DPYD: variants seen among roughly 807,000 people sequenced by gnomAD.
DPYD encodes dihydropyrimidine dehydrogenase.
In DPYD, 109 loss-of-function variants were observed where a neutral mutation model predicts 116.2. The ratio of observed to expected loss-of-function variants is 0.94; its 90% confidence interval spans 0.80 to 1.10. The LOEUF (loss-of-function observed/expected upper bound fraction) is 1.10. DPYD is among the 50% of genes least tolerant of loss of function. The probability of loss-of-function intolerance (pLI) is 0.00; values close to 1 mark genes in which losing one functional copy is unlikely to be tolerated. For synonymous variants in DPYD, 440 were observed against 432.0 expected, an observed-to-expected ratio of 1.02 and a Z score of -0.23; for missense variants, 1,302 against 1,254.5, an observed-to-expected ratio of 1.04 and a Z score of -0.57.
intron 9 of DPYD, 147 bp downstream of exon 9, chr1:97,594,912 C>T (rs1386736274): frequency 1.6e-6 from 1 of 618,602 alleles, no homozygotes; most frequent in Admixed American, 2.9e-5. Context: ...TTATACCCGG[C>T]CTTTTTTTTT....
chr1:97,081,562 A>C (rs925222425), intron 22 of DPYD, among the ~76,000 whole-genome samples: 1 of 152,060 alleles, frequency 6.6e-6, no homozygotes, highest in Non-Finnish European at 1.5e-5. Context: ...CAAACTCTTT[A>C]AAAAATAGCA....
chr1:97,422,061 T>C (rs1674614934), intron 14 of DPYD, among the ~76,000 whole-genome samples: 1 of 152,228 alleles, frequency 6.6e-6, no homozygotes, highest in South Asian at 2.1e-4. Context: ...GCAAGAGATA[T>C]GGAATTGTTC....
chr1:97,430,848 T>C lies in DPYD; in HGVS notation c.1905+19211A>G, dbSNP rs149472014. On this transcript the variant is annotated intron_variant, in intron 14 of 22. Coordinates refer to ENST00000370192, the MANE Select transcript of DPYD (RefSeq NM_000110.4). ...CAATTTTACATCTATATACTTTTTA[T>C]ATCTATCTATATCAATTTGTAAACA... is the stretch of plus-strand genomic sequence containing the variant. Among the ~76,000 whole-genome samples the C allele has an allele frequency of 6.6e-5, 10 of 152,228 alleles. No homozygotes were observed. In the East Asian group the frequency reaches 1.9e-3, roughly 29 times the overall value.
chr1:97,859,280 G>C (rs1353036197), intron 2 of DPYD, among the ~76,000 whole-genome samples: 1 of 152,112 alleles, frequency 6.6e-6, no homozygotes, highest in African/African-American at 2.4e-5. Flanking sequence ...ATAAAGAGCA[G>C]CGTATGGCAG....
rs150859861 is a variant in DPYD at position 97,367,801 on chromosome 1, C to G, written c.2058+5760G>C. ...ACTCAAACCACTGAACAATTGGAATCCATCGAGGGCTAGGGAAATAACATC... is the reference window on the plus strand; with the variant it reads ...ACTCAAACCACTGAACAATTGGAATGCATCGAGGGCTAGGGAAATAACATC... On this transcript the variant is annotated intron_variant, in intron 16 of 22. Transcript: ENST00000370192. 2.0e-5 allele frequency among the ~76,000 whole-genome samples: 3 copies of G among 152,212 alleles called. No individual in the cohort carries two copies. The East Asian group carries it at 5.8e-4, about 29-fold the overall frequency.
chr1:97,508,853 A>G (rs530840062), intron 13 of DPYD, among the ~76,000 whole-genome samples: 1 of 152,066 alleles, frequency 6.6e-6, no homozygotes, highest in South Asian at 2.1e-4. Context: ...ATGGAACACA[A>G]TGAAAATTAT....
rs187348014 is a variant in DPYD at position 97,287,661 on chromosome 1, C to T, written c.2299+17598G>A. 7.6e-3 allele frequency among the ~76,000 whole-genome samples: 1,161 copies of T among 152,214 alleles called. 14 individuals are homozygous for T. The highest frequency in any genetic ancestry group is 0.026 in the African/African-American group (1,069 of 41,538). On this transcript the variant is annotated intron_variant, in intron 18 of 22. Coordinates refer to ENST00000370192, the MANE Select transcript of DPYD (RefSeq NM_000110.4). ...AGCACCCCTCCCCCAGCCTCGCTGCCGCCTTGCAGTTTGATCTCAGACTGC... is the reference window on the plus strand; with the variant it reads ...AGCACCCCTCCCCCAGCCTCGCTGCTGCCTTGCAGTTTGATCTCAGACTGC...
rs1354265739 is a variant in DPYD at position 97,671,327 on chromosome 1, A to AAATACCCT, written c.850+7760_850+7767dup. ...TCATCTTCATCACAAAACGCTCATT[A>AAATACCCT]AATACCCTAGCGAGTACTACCATTA... On this transcript the variant is annotated intron_variant, in intron 8 of 22. Transcript: ENST00000370192. Among the ~76,000 whole-genome samples the AAATACCCT allele has an allele frequency of 3.9e-5, 6 of 152,136 alleles. No homozygotes were observed. The South Asian group carries it at 8.3e-4, about 21-fold the overall frequency.
At chr1:97,134,771 C>G (rs566037157) in intron 20 of DPYD, among the ~76,000 whole-genome samples, 57 of 152,060 alleles carry the variant, frequency 3.7e-4, no homozygotes, top group Non-Finnish European at 6.5e-4. Context: ...TGCAGGGCCA[C>G]GTGAGATGTT....
At chr1:97,190,769 C>A (rs547475221) in intron 20 of DPYD, among the ~76,000 whole-genome samples, 2 of 152,248 alleles carry the variant, frequency 1.3e-5, no homozygotes, top group Non-Finnish European at 2.9e-5. Context: ...GTTTCCATAG[C>A]CCAAGTCTCA....
intron 7 of DPYD, among the ~76,000 whole-genome samples, chr1:97,681,128 T>C (rs1660407238): frequency 6.6e-6 from 1 of 152,092 alleles, no homozygotes; most frequent in Non-Finnish European, 1.5e-5. Context: ...CCATGAAGTG[T>C]TATCAGTATT....
At chr1:97,175,314 G>T (rs1383875972) in intron 20 of DPYD, among the ~76,000 whole-genome samples, 1 of 152,006 alleles carries the variant, frequency 6.6e-6, no homozygotes, top group Non-Finnish European at 1.5e-5. Flanking sequence ...TTTTACCTAG[G>T]TTGTCAGTTC....
At chr1:97,326,564 C>A (rs374869194) in intron 16 of DPYD, among the ~76,000 whole-genome samples, 2 of 151,684 alleles carry the variant, frequency 1.3e-5, no homozygotes, top group African/African-American at 4.8e-5. Context: ...GGAGAACAAC[C>A]AGGAAAAATA....
intron 13 of DPYD, among the ~76,000 whole-genome samples, chr1:97,476,393 C>T (rs1028692858): frequency 3.3e-5 from 5 of 151,930 alleles, no homozygotes; most frequent in African/African-American, 1.2e-4. Context: ...AAAATATGAA[C>T]AATTCACAAA....
chr1:97,289,323 C>A (rs1347075223), intron 18 of DPYD, among the ~76,000 whole-genome samples: 1 of 152,144 alleles, frequency 6.6e-6, no homozygotes, highest in Non-Finnish European at 1.5e-5. Context: ...GGGAATCCTC[C>A]CTAACTCATG....
At chr1:97,888,186 C>G (rs549324010) in intron 1 of DPYD, among the ~76,000 whole-genome samples, 3 of 151,966 alleles carry the variant, frequency 2.0e-5, no homozygotes, top group Non-Finnish European at 4.4e-5. Context: ...AAACAACAAG[C>G]AGGCATTCTG....
chr1:97,118,397 AT>A lies in DPYD; in HGVS notation c.2623-19766del, dbSNP rs542678667. Reference sequence around the variant, plus strand: ...CTTTCCATTTCTCTTTCTTTTTAACATTTTTTTTTCTAAGCCAGAAACTTTT... The same window carrying A: ...CTTTCCATTTCTCTTTCTTTTTAACATTTTTTTTCTAAGCCAGAAACTTTT... On this transcript the variant is annotated intron_variant, in intron 20 of 22. Coordinates refer to ENST00000370192, the MANE Select transcript of DPYD (RefSeq NM_000110.4). Among the ~76,000 whole-genome samples, 714 of 150,876 alleles carry A rather than the reference AT, an allele frequency of 4.7e-3. 10 individuals carry two copies. Among genetic ancestry groups the A allele is most frequent in the African/African-American group, 0.016 (670 of 41,130 alleles).
intron 18 of DPYD, among the ~76,000 whole-genome samples, chr1:97,247,190 G>T (rs1367495469): frequency 6.6e-6 from 1 of 152,142 alleles, no homozygotes; most frequent in Non-Finnish European, 1.5e-5. Context: ...CATTTTCACA[G>T]ATGCATCTAT....
chr1:97,444,068 A>C lies in DPYD; in HGVS notation c.1905+5991T>G, dbSNP rs183907010. 3.4e-3 allele frequency among the ~76,000 whole-genome samples: 523 copies of C among 152,340 alleles called. 3 individuals carry two copies. The highest frequency in any genetic ancestry group is 3.9e-3 in the Non-Finnish European group (265 of 68,038). On this transcript the variant is annotated intron_variant, in intron 14 of 22. Transcript: ENST00000370192. Reference sequence around the variant, plus strand: ...CCCACTGACACTATTTTCAATAGACAGCTACATCCTTGCAAAGCATTAAGA... The same window carrying C: ...CCCACTGACACTATTTTCAATAGACCGCTACATCCTTGCAAAGCATTAAGA...
Sources: gnomAD v4.1 joint callset for allele counts (sites outside exome capture counted in the v4.1 genomes callset) on GRCh38, gnomAD v4.1.1 for gene constraint, MANE v1.5 for transcripts, NCBI Gene and HGNC (gene_info 2026-07-23, HGNC 2026-07-21) for gene names.